The following AGPAT4 variants were observed in gnomAD, a reference collection of about 807,000 sequenced individuals.
AGPAT4 encodes the protein 1-acyl-sn-glycerol-3-phosphate acyltransferase delta.
Under a neutral mutation model 48.0 loss-of-function variants are expected in AGPAT4, and 15 were observed. The observed-to-expected ratio is 0.31, with a 90% CI of 0.21 to 0.48. The LOEUF (loss-of-function observed/expected upper bound fraction) is 0.48, where lower values mean the gene tolerates loss of function less well. Ranked by LOEUF, AGPAT4 falls within the 20% of genes least tolerant of loss-of-function variation. The pLI is 0.99. For synonymous variants in AGPAT4, 178 were observed against 198.7 expected, an observed-to-expected ratio of 0.90 and a Z score of 0.88; for missense variants, 314 against 482.5, an observed-to-expected ratio of 0.65 and a Z score of 3.27.
In AGPAT4 at chr6:161,221,617, A is replaced by G. The variant is rs1781837354; in HGVS notation, c.178+10419T>C. Among the ~76,000 whole-genome samples, 1 of 152,200 alleles carries G rather than the reference A, an allele frequency of 6.6e-6. No individual in the cohort carries two copies. Among genetic ancestry groups the G allele is most frequent in the African/African-American group, 2.4e-5 (1 of 41,448 alleles). The stretch of plus-strand genomic sequence containing the variant: ...TGGATTCATTTCCTGGGGCTGCCAA[A>G]GGACCACAGACTGGGGAACTGAAGT... On this transcript the variant is annotated intron_variant, in intron 2 of 8. Transcript: ENST00000320285. The surrounding 1 kb of genome is among the most constrained non-coding windows in gnomAD (Gnocchi z 4.5).
intron 2 of AGPAT4, among the ~76,000 whole-genome samples, chr6:161,174,393 T>A (rs113735548): frequency 1.3e-5 from 2 of 152,118 alleles, no homozygotes; most frequent in Admixed American, 6.6e-5. Flanking sequence ...TAGGTATTTT[T>A]TTCTCTTTGA....
Position 161,136,609 on chromosome 6 carries a change from A to G in AGPAT4, c.1068T>C (p.Ile356=). 6.2e-7 allele frequency: 1 copy of G among 1,614,204 alleles called. No homozygotes were observed. Among genetic ancestry groups the G allele is most frequent in the African/African-American group, 1.3e-5 (1 of 75,062 alleles). The stretch of plus-strand genomic sequence containing the variant: ...AGCCCTTGTCAATTTCCGTCACACC[A>G]ATCATCCATCGAACTCCCACGGAGG... The part of the protein sequence containing the change: ...FVASVGVRWM[I]GVTEIDKGSA... The change falls in exon 9 of 9, where the codon ATT becomes ATC. Residue 356 remains isoleucine (I), a synonymous_variant. Transcript: ENST00000320285.
At chr6:161,183,437 T>A (rs751047278) in intron 2 of AGPAT4, among the ~76,000 whole-genome samples, 1 of 151,286 alleles carries the variant, frequency 6.6e-6, no homozygotes, top group Non-Finnish European at 1.5e-5. Flanking sequence ...CTGGCCAACA[T>A]AGTGAAAACC....
At position 161,135,827 on chromosome 6, in the gene AGPAT4, CTCCCT is replaced by C. The variant is rs1451933156; in HGVS notation, c.*708_*712del. The C allele has an allele frequency of 3.9e-5, 6 of 152,364 alleles. No individual in the cohort carries two copies. Among genetic ancestry groups the C allele is most frequent in the Admixed American group, 1.3e-4 (2 of 15,292 alleles). 9.4% of individuals were successfully genotyped at this position (152,364 alleles called of 1,614,324 possible). On this transcript the variant is annotated 3_prime_UTR_variant, in exon 9 of 9. Coordinates refer to ENST00000320285, the MANE Select transcript of AGPAT4 (RefSeq NM_020133.3). ...TGCACTGCAGAGACCGAGCGAAACT[CTCCCT>C]TGCTGTGTGCCAGGGACACGCTTCG...
chr6:161,135,993 C>T lies in AGPAT4; in HGVS notation c.*547G>A, dbSNP rs1343810628. The T allele has an allele frequency of 6.5e-6, 1 of 155,028 alleles. No homozygotes were observed. The highest frequency in any genetic ancestry group is 6.4e-5 in the Admixed American group (1 of 15,564). 9.6% of individuals were successfully genotyped at this position (155,028 alleles called of 1,614,324 possible). A position where few individuals can be genotyped will look rare whatever the true frequency, so the allele number is the denominator to read the frequency against. On this transcript the variant is annotated 3_prime_UTR_variant, in exon 9 of 9. Coordinates refer to ENST00000320285, the MANE Select transcript of AGPAT4 (RefSeq NM_020133.3). ...CCACACCTCCGCGGCAGCTGCCTCC[C>T]GTGAGTAGGATCTGAAACACCAAAG...
rs1170116905 is a variant in AGPAT4, at chr6:161,202,719, T to C, written c.178+29317A>G. 6.6e-6 allele frequency among the ~76,000 whole-genome samples: 1 copy of C among 152,098 alleles called. No homozygotes were observed. The highest frequency in any genetic ancestry group is 1.5e-5 in the Non-Finnish European group (1 of 68,016). On this transcript the variant is annotated intron_variant, in intron 2 of 8. Coordinates refer to ENST00000320285, the MANE Select transcript of AGPAT4 (RefSeq NM_020133.3). This position sits in a 1 kb window ranked among gnomAD's most constrained non-coding sequence, Gnocchi z 5.4. Reference sequence around the variant, plus strand: ...CCCTTTCTTGATCTAAGAGGGCTACTAACTTGCTTGTAACCAGGATAATGT... The same window carrying C: ...CCCTTTCTTGATCTAAGAGGGCTACCAACTTGCTTGTAACCAGGATAATGT...
chr6:161,227,697 G>A (rs1485313051), intron 2 of AGPAT4, among the ~76,000 whole-genome samples: 1 of 152,210 alleles, frequency 6.6e-6, no homozygotes, highest in Non-Finnish European at 1.5e-5. Context: ...TAGCAAATCT[G>A]AAGTGACTTA....
chr6:161,207,087 A>C lies in AGPAT4; in HGVS notation c.178+24949T>G, dbSNP rs574097704. ...ACTGGCTAGGGACTTTTTCCAATGCAGATAAGAATTTAAGAGTCTTATGTT... is the reference window on the plus strand; with the variant it reads ...ACTGGCTAGGGACTTTTTCCAATGCCGATAAGAATTTAAGAGTCTTATGTT... On this transcript the variant is annotated intron_variant, in intron 2 of 8. Coordinates refer to ENST00000320285, the MANE Select transcript of AGPAT4 (RefSeq NM_020133.3). Among the ~76,000 whole-genome samples the C allele has an allele frequency of 1.2e-4, 18 of 152,366 alleles. No homozygotes were observed. The East Asian group carries it at 3.3e-3, about 28-fold the overall frequency.
chr6:161,197,936 A>G lies in AGPAT4; in HGVS notation c.179-31519T>C, dbSNP rs1781116095. Reference sequence around the variant, plus strand: ...GCTACACGTAGGGTTTACCCAGACAATTCGGGCTGGCAACTTGTTGGTTCT... The same window carrying G: ...GCTACACGTAGGGTTTACCCAGACAGTTCGGGCTGGCAACTTGTTGGTTCT... On this transcript the variant is annotated intron_variant, in intron 2 of 8. Coordinates refer to ENST00000320285, the MANE Select transcript of AGPAT4 (RefSeq NM_020133.3). The surrounding 1 kb of genome is among the most constrained non-coding windows in gnomAD (Gnocchi z 5.7). 6.6e-6 allele frequency among the ~76,000 whole-genome samples: 1 copy of G among 152,206 alleles called. No individual in the cohort carries two copies. The highest frequency in any genetic ancestry group is 2.1e-4 in the South Asian group (1 of 4,834).
In AGPAT4 at chr6:161,144,107, G is replaced by C. The variant is rs1388936445; in HGVS notation, c.843+2417C>G. ...GCTCCTAGCAAAATAGGCTGATACA[G>C]AAAGGAATTGTCCCTTGATGTCTAT... is the stretch of plus-strand genomic sequence containing the variant. On this transcript the variant is annotated intron_variant, in intron 7 of 8. Coordinates refer to ENST00000320285, the MANE Select transcript of AGPAT4 (RefSeq NM_020133.3). The surrounding 1 kb of genome is among the most constrained non-coding windows in gnomAD (Gnocchi z 6.6). 1.9e-6 allele frequency: 1 copy of C among 532,814 alleles called. No individual in the cohort carries two copies. Among genetic ancestry groups the C allele is most frequent in the Non-Finnish European group, 3.9e-6 (1 of 259,586 alleles). 33.0% of individuals were successfully genotyped at this position (532,814 alleles called of 1,614,324 possible). A position where few individuals can be genotyped will look rare whatever the true frequency, so the allele number is the denominator to read the frequency against.
Position 161,178,746 on chromosome 6 carries a change from G to A in AGPAT4, c.179-12329C>T, listed in dbSNP as rs188417792. Among the ~76,000 whole-genome samples the A allele has an allele frequency of 2.0e-5, 3 of 152,266 alleles. No individual in the cohort carries two copies. Among genetic ancestry groups the A allele is most frequent in the Admixed American group, 6.5e-5 (1 of 15,288 alleles). ...CTGTAGACTGGAGCTGTTCCTATTC[G>A]GCCATCTTGCCATGGTTGATCACTT... On this transcript the variant is annotated intron_variant, in intron 2 of 8. Transcript: ENST00000320285. The surrounding 1 kb of genome is among the most constrained non-coding windows in gnomAD (Gnocchi z 5.1).
Position 161,138,144 on chromosome 6 carries a change from G to A in AGPAT4, c.1042+1278C>T, listed in dbSNP as rs1444706039. ...GACCCTTGGCCAGCCTCAGCATGGC[G>A]GGGCATGGGGGTGCCCCTGGACCTG... is the stretch of plus-strand genomic sequence containing the variant. On this transcript the variant is annotated intron_variant, in intron 8 of 8. Coordinates refer to ENST00000320285, the MANE Select transcript of AGPAT4 (RefSeq NM_020133.3). This position sits in a 1 kb window ranked among gnomAD's most constrained non-coding sequence, Gnocchi z 4.8. Among the ~76,000 whole-genome samples the A allele has an allele frequency of 1.3e-5, 2 of 152,250 alleles. No individual in the cohort carries two copies. Among genetic ancestry groups the A allele is most frequent in the Non-Finnish European group, 2.9e-5 (2 of 68,038 alleles).
chr6:161,161,765 C>T lies in AGPAT4; in HGVS notation c.348+4483G>A. ...CACGGTCTCCTAGAGAAACCACACA[C>T]AATCAACACTCACTGGACACGTATT... is the stretch of plus-strand genomic sequence containing the variant. On this transcript the variant is annotated intron_variant, in intron 3 of 8. Transcript: ENST00000320285. The surrounding 1 kb of genome is among the most constrained non-coding windows in gnomAD (Gnocchi z 4.6). 6.3e-6 allele frequency: 2 copies of T among 317,590 alleles called. No homozygotes were observed. The highest frequency in any genetic ancestry group is 1.3e-5 in the Non-Finnish European group (2 of 159,204). 19.7% of individuals were successfully genotyped at this position (317,590 alleles called of 1,614,324 possible).
rs993147948 is a variant in AGPAT4, at chr6:161,164,277, C to T, written c.348+1971G>A. On this transcript the variant is annotated intron_variant, in intron 3 of 8. Coordinates refer to ENST00000320285, the MANE Select transcript of AGPAT4 (RefSeq NM_020133.3). The surrounding 1 kb of genome is among the most constrained non-coding windows in gnomAD (Gnocchi z 7.4). ...CATGTGTTGTGGGGCTCACCTTCTC[C>T]CTCATCTGTGCCTGTCCCCGTGCCT... Among the ~76,000 whole-genome samples the T allele has an allele frequency of 8.5e-5, 13 of 152,214 alleles. No homozygotes were observed. The highest frequency in any genetic ancestry group is 3.1e-4 in the African/African-American group (13 of 41,452).
In AGPAT4 at chr6:161,197,324, G is replaced by A. The variant is rs896013056; in HGVS notation, c.179-30907C>T. Among the ~76,000 whole-genome samples, 1 of 152,124 alleles carries A rather than the reference G, an allele frequency of 6.6e-6. No individual in the cohort carries two copies. The highest frequency in any genetic ancestry group is 1.5e-5 in the Non-Finnish European group (1 of 68,024). ...AACTAGCGTTCCATAAAACAGTTTG[G>A]GAAATACTGCTCTAAGTGATTCTTG... On this transcript the variant is annotated intron_variant, in intron 2 of 8. Coordinates refer to ENST00000320285, the MANE Select transcript of AGPAT4 (RefSeq NM_020133.3). This position sits in a 1 kb window ranked among gnomAD's most constrained non-coding sequence, Gnocchi z 5.7.
Position 161,270,152 on chromosome 6 carries a change from C to T in AGPAT4, c.-90+3786G>A, listed in dbSNP as rs12211890. 0.056 allele frequency among the ~76,000 whole-genome samples: 8,601 copies of T among 152,262 alleles called. 309 individuals are homozygous for T. The highest frequency in any genetic ancestry group is 0.099 in the Middle Eastern group (29 of 294). ...CATTTGAAAACTATAACTATTTAAA[C>T]TGTATCTTGTTTTGCTCACAGTTGC... is the stretch of plus-strand genomic sequence containing the variant. On this transcript the variant is annotated intron_variant, in intron 1 of 8. Transcript: ENST00000320285. The surrounding 1 kb of genome is among the most constrained non-coding windows in gnomAD (Gnocchi z 5.3).
rs75052458 is a variant in AGPAT4 at position 161,155,401 on chromosome 6, C to G, written c.349-1091G>C. On this transcript the variant is annotated intron_variant, in intron 3 of 8. Coordinates refer to ENST00000320285, the MANE Select transcript of AGPAT4 (RefSeq NM_020133.3). This position sits in a 1 kb window ranked among gnomAD's most constrained non-coding sequence, Gnocchi z 5.8. ...AGCCCTAAACCTAGGATGCCCACAG[C>G]GCAGAGAGCTCCGGCTTCAACACAG... 6.6e-6 allele frequency among the ~76,000 whole-genome samples: 1 copy of G among 152,168 alleles called. No homozygotes were observed. Among genetic ancestry groups the G allele is most frequent in the Non-Finnish European group, 1.5e-5 (1 of 68,022 alleles).
In AGPAT4 at chr6:161,245,755, T is replaced by G. The variant is rs139712563; in HGVS notation, c.-89-13453A>C. On this transcript the variant is annotated intron_variant, in intron 1 of 8. Transcript: ENST00000320285. The surrounding 1 kb of genome is among the most constrained non-coding windows in gnomAD (Gnocchi z 5.2). ...AGATCCTGTCATTGCCAATCCTAGT[T>G]TCTGGTAAGGAGTGCGAGGAAGGCG... Among the ~76,000 whole-genome samples, 2 of 152,254 alleles carry G rather than the reference T, an allele frequency of 1.3e-5. No homozygotes were observed. Among genetic ancestry groups the G allele is most frequent in the East Asian group, 3.9e-4 (2 of 5,172 alleles).
Position 161,136,070 on chromosome 6 carries a change from C to A in AGPAT4, c.*470G>T. 5.7e-6 allele frequency: 1 copy of A among 175,028 alleles called. No homozygotes were observed. The highest frequency in any genetic ancestry group is 1.2e-5 in the Non-Finnish European group (1 of 82,262). The allele number at this position is 175,028 out of a possible 1,614,324, so 10.8% of individuals were successfully genotyped here. ...CAGCGGTCCATGTCAACATACACCA[C>A]AGATGACCCAGAAAAGCACTTTAAT... On this transcript the variant is annotated 3_prime_UTR_variant, in exon 9 of 9. Transcript: ENST00000320285.
Sources: allele counts gnomAD v4.1 joint callset (sites outside exome capture counted in the v4.1 genomes callset), GRCh38; gene constraint gnomAD v4.1.1; non-coding constraint Gnocchi (gnomAD v3.1); transcripts MANE v1.5; gene names NCBI Gene and HGNC (gene_info 2026-07-23, HGNC 2026-07-21).